Variants in CARMIL1 observed in about 807,000 individuals in gnomAD.
CARMIL1 encodes F-actin-uncapping protein LRRC16A.
A neutral mutation model predicts 177.1 loss-of-function variants in CARMIL1; 90 were observed. The observed-to-expected ratio is 0.51, with a 90% CI of 0.43 to 0.61. CARMIL1 has a LOEUF of 0.61. Among genes scored for constraint, CARMIL1 ranks in the 20% least tolerant of loss-of-function variants. CARMIL1 has a pLI of 0.00. For missense variants in CARMIL1, 1,380 were observed against 1,667.0 expected (o/e 0.83, Z 3.00); for synonymous variants, 577 against 606.2 (o/e 0.95, Z 0.71).
intron 32 of CARMIL1, among the ~76,000 whole-genome samples, chr6:25,597,603 C>T (rs911876413): frequency 6.6e-6 from 1 of 152,100 alleles, no homozygotes; most frequent in African/African-American, 2.4e-5. Context: ...CTTGGACACA[C>T]CTCTCACCAG....
chr6:25,356,107 G>A (rs1391671014), intron 2 of CARMIL1, among the ~76,000 whole-genome samples: 1 of 150,362 alleles, frequency 6.7e-6, no homozygotes, highest in East Asian at 2.0e-4. Flanking sequence ...CCGGACTGCG[G>A]ACTGCAGTGG....
chr6:25,284,766 C>T, intron 1 of CARMIL1, 46 bp from the exon 2 acceptor site: 1 of 1,075,576 alleles, frequency 9.3e-7, no homozygotes, highest in Non-Finnish European at 1.4e-6. Context: ...TACTCCTCCT[C>T]AGTGCTTTTT....
At chr6:25,463,647 G>A (rs1003554525) in intron 8 of CARMIL1, among the ~76,000 whole-genome samples, 1 of 152,198 alleles carries the variant, frequency 6.6e-6, no homozygotes, top group Admixed American at 6.5e-5. Context: ...AACGCTCAGC[G>A]TGGGCTTTGG....
chr6:25,609,509 T>G (rs1022061345), intron 35 of CARMIL1, among the ~76,000 whole-genome samples: 5 of 152,106 alleles, frequency 3.3e-5, no homozygotes, highest in Non-Finnish European at 7.4e-5. Flanking sequence ...CCTAGCTATT[T>G]AGTCATCTTT....
intron 2 of CARMIL1, among the ~76,000 whole-genome samples, chr6:25,416,177 C>T (rs1795342169): frequency 6.6e-6 from 1 of 152,064 alleles, no homozygotes; most frequent in Non-Finnish European, 1.5e-5. Flanking sequence ...CTTATGATAT[C>T]CAAACATCTC....
At chr6:25,560,992 T>G (rs1001214275) in intron 29 of CARMIL1, among the ~76,000 whole-genome samples, 2 of 152,208 alleles carry the variant, frequency 1.3e-5, no homozygotes, top group East Asian at 1.9e-4. Context: ...CCTCTCTATA[T>G]GTTATTTTGT....
chr6:25,426,949 C>G (rs1478385578), intron 4 of CARMIL1, among the ~76,000 whole-genome samples: 2 of 152,014 alleles, frequency 1.3e-5, no homozygotes, highest in Non-Finnish European at 2.9e-5. Context: ...AAAAAAATAG[C>G]TTTATTGGGC....
chr6:25,447,075 G>A (rs949946610), intron 5 of CARMIL1, among the ~76,000 whole-genome samples: 11 of 152,194 alleles, frequency 7.2e-5, no homozygotes, highest in African/African-American at 2.7e-4. Flanking sequence ...GAGATATTGT[G>A]AGAATTACCA....
rs141068051 is a variant in CARMIL1 at position 25,604,364 on chromosome 6, A to G, written c.3553-448A>G. On this transcript the variant is annotated intron_variant, in intron 33 of 36. Coordinates refer to ENST00000329474, the MANE Select transcript of CARMIL1 (RefSeq NM_017640.6). ...CAAAGTGCTGAGATAGATTACAGGC[A>G]TGAGCCACTGCACCCAGCCAAAACT... Among the ~76,000 whole-genome samples, 476 of 152,346 alleles carry G rather than the reference A, an allele frequency of 3.1e-3. 1 individual carries two copies. The highest frequency in any genetic ancestry group is 0.011 in the African/African-American group (462 of 41,578).
At chr6:25,317,141 A>G in intron 2 of CARMIL1, among the ~76,000 whole-genome samples, 1 of 151,934 alleles carries the variant, frequency 6.6e-6, no homozygotes, top group Non-Finnish European at 1.5e-5. Flanking sequence ...TTTTTCCTAA[A>G]TGCTTTCTTT....
intron 32 of CARMIL1, among the ~76,000 whole-genome samples, chr6:25,595,911 C>T (rs1408746964): frequency 6.6e-6 from 1 of 152,142 alleles, no homozygotes; most frequent in African/African-American, 2.4e-5. Context: ...TCTAACGCAG[C>T]CCATAATATA....
rs532663572 is a variant in CARMIL1, at chr6:25,483,727, G to A, written c.961+1384G>A. On this transcript the variant is annotated intron_variant, in intron 12 of 36. Coordinates refer to ENST00000329474, the MANE Select transcript of CARMIL1 (RefSeq NM_017640.6). Reference sequence around the variant, plus strand: ...TGGAGGTAGATTAAAAAAAAAATCCGAGGTGGATTGAAAAAAAGTCGGAGG... The same window carrying A: ...TGGAGGTAGATTAAAAAAAAAATCCAAGGTGGATTGAAAAAAAGTCGGAGG... 1.4e-3 allele frequency among the ~76,000 whole-genome samples: 203 copies of A among 148,476 alleles called. 1 individual carries two copies. The highest frequency in any genetic ancestry group is 3.4e-3 in the South Asian group (16 of 4,672).
intron 2 of CARMIL1, among the ~76,000 whole-genome samples, chr6:25,373,798 T>A (rs1317797666): frequency 6.6e-6 from 1 of 152,120 alleles, no homozygotes; most frequent in African/African-American, 2.4e-5. Context: ...TTGGCCAGAA[T>A]GGTCTCGATC....
At chr6:25,588,925 A>G (rs995751084) in intron 31 of CARMIL1, among the ~76,000 whole-genome samples, 2 of 152,254 alleles carry the variant, frequency 1.3e-5, no homozygotes, top group Non-Finnish European at 2.9e-5. Flanking sequence ...GGTCAGTATC[A>G]GTCAGTTTGC....
intron 26 of CARMIL1, among the ~76,000 whole-genome samples, chr6:25,546,352 T>C (rs919696877): frequency 1.3e-5 from 2 of 152,038 alleles, no homozygotes; most frequent in African/African-American, 4.8e-5. Flanking sequence ...CCCAAAAGAA[T>C]CTGCAGGTAA....
intron 4 of CARMIL1, among the ~76,000 whole-genome samples, chr6:25,431,731 G>T (rs1796807802): frequency 6.6e-6 from 1 of 152,006 alleles, no homozygotes; most frequent in Non-Finnish European, 1.5e-5. Context: ...GCCAAAATTG[G>T]TCTTACCACA....
chr6:25,402,450 A>T (rs79004630), intron 2 of CARMIL1, among the ~76,000 whole-genome samples: 2,956 of 152,286 alleles, frequency 0.019, 116 homozygotes, highest in East Asian at 0.13. Flanking sequence ...ATATGTAGGG[A>T]ATAGGAGAAT....
intron 2 of CARMIL1, chr6:25,350,709 C>G (rs577240692): frequency 6.6e-6 from 1 of 152,112 alleles, no homozygotes; most frequent in Non-Finnish European, 1.5e-5. Context: ...GGAACAGGGA[C>G]TTGTAATAGA....
chr6:25,521,565 C>T (rs570334914), intron 23 of CARMIL1, among the ~76,000 whole-genome samples: 1 of 151,994 alleles, frequency 6.6e-6, no homozygotes, highest in Non-Finnish European at 1.5e-5. Flanking sequence ...GTCAGGAGAT[C>T]GAGACCATCC....
Sources: allele counts gnomAD v4.1 joint callset (sites outside exome capture counted in the v4.1 genomes callset), GRCh38; gene constraint gnomAD v4.1.1; transcripts MANE v1.5; gene names NCBI Gene and HGNC (gene_info 2026-07-23, HGNC 2026-07-21).